Variants in CNTNAP5 observed in about 807,000 individuals in gnomAD.
CNTNAP5 encodes the protein contactin-associated protein-like 5.
In CNTNAP5, 72 loss-of-function variants were observed where a neutral mutation model predicts 150.2. The ratio of observed to expected loss-of-function variants is 0.48; its 90% CI spans 0.40 to 0.58. The LOEUF is 0.58. CNTNAP5 is among the 20% of genes least tolerant of loss of function. CNTNAP5 has a pLI of 0.00. For missense variants in CNTNAP5, 1,636 were observed against 1,626.2 expected (o/e 1.01, Z -0.10); for synonymous variants, 672 against 619.8 (o/e 1.08, Z -1.25).
intron 6 of CNTNAP5, among the ~76,000 whole-genome samples, chr2:124,459,602 A>G (rs1231037106): frequency 2.0e-5 from 3 of 151,740 alleles, no homozygotes; most frequent in Non-Finnish European, 1.5e-5. Flanking sequence ...AAACACAAAA[A>G]TTAACTGGGC....
At chr2:124,129,616 T>C (rs1683797603) in intron 1 of CNTNAP5, among the ~76,000 whole-genome samples, 1 of 152,210 alleles carries the variant, frequency 6.6e-6, no homozygotes, top group Non-Finnish European at 1.5e-5. Context: ...GGTTTTCTTA[T>C]TCTCTGTTAA....
intron 20 of CNTNAP5, among the ~76,000 whole-genome samples, chr2:124,868,132 T>C (rs549638610): frequency 1.3e-5 from 2 of 152,306 alleles, no homozygotes; most frequent in East Asian, 3.9e-4. Flanking sequence ...GACATCTCCC[T>C]GCTCCTCTTT....
intron 1 of CNTNAP5, among the ~76,000 whole-genome samples, chr2:124,185,259 A>G (rs1254511771): frequency 6.6e-6 from 1 of 152,160 alleles, no homozygotes; most frequent in Non-Finnish European, 1.5e-5. Context: ...TGAGCCCTGC[A>G]CAAGGTTCCT....
chr2:124,479,027 A>G lies in CNTNAP5; in HGVS notation c.1062+4145A>G, dbSNP rs1167385127. On this transcript the variant is annotated intron_variant, in intron 7 of 23. Coordinates refer to ENST00000682447, the MANE Select transcript of CNTNAP5 (RefSeq NM_001367498.1). Reference sequence around the variant, plus strand: ...ACAGCTGTTCCATAGGGATAATTCAATTTAGTCTTTATAGCTCGATTTGAC... The same window carrying G: ...ACAGCTGTTCCATAGGGATAATTCAGTTTAGTCTTTATAGCTCGATTTGAC... Among the ~76,000 whole-genome samples the G allele has an allele frequency of 2.6e-5, 4 of 152,178 alleles. No homozygotes were observed. In the East Asian group the frequency reaches 7.7e-4, roughly 29 times the overall value.
At chr2:124,314,688 T>C (rs1412218759) in intron 3 of CNTNAP5, among the ~76,000 whole-genome samples, 2 of 152,184 alleles carry the variant, frequency 1.3e-5, no homozygotes, top group African/African-American at 4.8e-5. Context: ...TAAAAATCTC[T>C]AATAATCTCA....
intron 11 of CNTNAP5, among the ~76,000 whole-genome samples, chr2:124,577,344 T>C (rs180674811): frequency 7.2e-5 from 11 of 152,356 alleles, no homozygotes; most frequent in Admixed American, 4.6e-4. Context: ...TTATAATACA[T>C]CCCTAAATCA....
intron 19 of CNTNAP5, among the ~76,000 whole-genome samples, chr2:124,816,061 G>A (rs1682354473): frequency 6.6e-6 from 1 of 152,196 alleles, no homozygotes; most frequent in Non-Finnish European, 1.5e-5. Flanking sequence ...AGGGGTCTGT[G>A]TCTTACCGTT....
intron 13 of CNTNAP5, among the ~76,000 whole-genome samples, chr2:124,743,492 T>C (rs1419538732): frequency 6.6e-6 from 1 of 152,138 alleles, no homozygotes; most frequent in Non-Finnish European, 1.5e-5. Flanking sequence ...ATGTGAACCT[T>C]CTTTTTTGCA....
chr2:124,243,310 C>A (rs568096064), intron 3 of CNTNAP5, among the ~76,000 whole-genome samples: 3 of 152,112 alleles, frequency 2.0e-5, no homozygotes, highest in African/African-American at 7.2e-5. Flanking sequence ...TAAATCAATG[C>A]CAATTTATAC....
At chr2:124,219,610 G>A (rs142742837) in intron 1 of CNTNAP5, among the ~76,000 whole-genome samples, 1 of 151,944 alleles carries the variant, frequency 6.6e-6, no homozygotes, top group Non-Finnish European at 1.5e-5. Flanking sequence ...GTGTGTGTGT[G>A]GTTTGTATTT....
chr2:124,343,248 T>G (rs1689661831), intron 3 of CNTNAP5, among the ~76,000 whole-genome samples: 1 of 152,240 alleles, frequency 6.6e-6, no homozygotes, highest in Non-Finnish European at 1.5e-5. Flanking sequence ...AGCATTATCT[T>G]AAGACATATC....
intron 3 of CNTNAP5, among the ~76,000 whole-genome samples, chr2:124,369,889 A>T (rs1558871568): frequency 1.3e-5 from 2 of 152,150 alleles, no homozygotes; most frequent in Non-Finnish European, 2.9e-5. Flanking sequence ...ATCTGGGGTC[A>T]GTTTCACTAG....
chr2:124,701,027 T>A (rs1483071380), intron 13 of CNTNAP5, among the ~76,000 whole-genome samples: 1 of 152,054 alleles, frequency 6.6e-6, no homozygotes, highest in African/African-American at 2.4e-5. Context: ...CAGCCAAATC[T>A]ACTAGTTTAG....
chr2:124,070,732 A>C (rs550153233), intron 1 of CNTNAP5, among the ~76,000 whole-genome samples: 2 of 152,148 alleles, frequency 1.3e-5, no homozygotes, highest in Admixed American at 1.3e-4. Flanking sequence ...AGAAAGATAG[A>C]CTTCAATACA....
chr2:124,356,876 C>T (rs199869258), intron 3 of CNTNAP5, among the ~76,000 whole-genome samples: 23,787 of 151,172 alleles, frequency 0.16, 1,848 homozygotes, highest in East Asian at 0.2. Flanking sequence ...CCTGAGGAAT[C>T]GCCACACTGA....
intron 1 of CNTNAP5, among the ~76,000 whole-genome samples, chr2:124,198,050 T>C (rs754400625): frequency 3.9e-5 from 6 of 152,076 alleles, no homozygotes; most frequent in Non-Finnish European, 8.8e-5. Context: ...GTATTGACTC[T>C]CATCAAAACT....
intron 3 of CNTNAP5, among the ~76,000 whole-genome samples, chr2:124,348,302 G>C (rs1689791142): frequency 6.6e-6 from 1 of 151,920 alleles, no homozygotes; most frequent in Admixed American, 6.6e-5. Flanking sequence ...TTTTAATTTA[G>C]ATTAATTTTA....
At chr2:124,185,821 G>T (rs1226323332) in intron 1 of CNTNAP5, among the ~76,000 whole-genome samples, 1 of 152,166 alleles carries the variant, frequency 6.6e-6, no homozygotes. Flanking sequence ...TTGCTTCCCA[G>T]GGAGGGGGAT....
intron 12 of CNTNAP5, among the ~76,000 whole-genome samples, chr2:124,624,045 G>T (rs2105000348): frequency 6.6e-6 from 1 of 152,306 alleles, no homozygotes; most frequent in South Asian, 2.1e-4. Context: ...TGACCACATA[G>T]GGCTTCCAGA....
Sources: allele counts gnomAD v4.1 joint callset (sites outside exome capture counted in the v4.1 genomes callset), GRCh38; gene constraint gnomAD v4.1.1; transcripts MANE v1.5; gene names NCBI Gene and HGNC (gene_info 2026-07-23, HGNC 2026-07-21).